PTCHD4: variants seen among roughly 807,000 people sequenced by gnomAD.
PTCHD4 encodes patched domain containing 4.
In PTCHD4, 33 loss-of-function variants were observed where a neutral mutation model predicts 58.1. The ratio of observed to expected loss-of-function variants is 0.57; its 90% CI spans 0.43 to 0.76. PTCHD4 has a LOEUF of 0.76. Ranked by LOEUF, PTCHD4 falls within the 30% of genes least tolerant of loss-of-function variation. PTCHD4 has a pLI of 0.00. For missense variants in PTCHD4, 1,058 were observed against 1,027.1 expected (o/e 1.03, Z -0.41); for synonymous variants, 478 against 409.6 (o/e 1.17, Z -2.02).
intron 1 of PTCHD4, among the ~76,000 whole-genome samples, chr6:48,109,333 A>AACT (rs1415990900): frequency 6.6e-6 from 1 of 152,172 alleles, no homozygotes; most frequent in African/African-American, 2.4e-5. Context: ...ATGAACATAC[A>AACT]ACTTTTTAAA....
intron 1 of PTCHD4, among the ~76,000 whole-genome samples, chr6:48,090,106 A>G (rs969869937): frequency 6.6e-6 from 1 of 151,386 alleles, no homozygotes; most frequent in East Asian, 2.0e-4. Context: ...GTTAATTCAG[A>G]ATCTACAGTG....
chr6:47,946,966 C>G (rs1581917673), intron 4 of PTCHD4, among the ~76,000 whole-genome samples: 1 of 152,072 alleles, frequency 6.6e-6, no homozygotes, highest in African/African-American at 2.4e-5. Flanking sequence ...ACTTCAGCCC[C>G]CTGAGGCCTA....
At position 47,856,953 on chromosome 6, in the gene PTCHD4, A is replaced by G. The variant is rs1763323012; in HGVS notation, c.*21350T>C. Among the ~76,000 whole-genome samples, 1 of 152,064 alleles carries G rather than the reference A, an allele frequency of 6.6e-6. No individual in the cohort carries two copies. Among genetic ancestry groups the G allele is most frequent in the Non-Finnish European group, 1.5e-5 (1 of 67,972 alleles). On this transcript the variant is annotated 3_prime_UTR_variant, in exon 5 of 5. Coordinates refer to ENST00000339488, the MANE Select transcript of PTCHD4 (RefSeq NM_001384253.1). ...ACAATATTCATATTTAAATAATGAT[A>G]TTAATAATTGGTAATGAATCAAAAC...
At chr6:48,057,662 A>G (rs1764460339) in intron 3 of PTCHD4, among the ~76,000 whole-genome samples, 1 of 152,230 alleles carries the variant, frequency 6.6e-6, no homozygotes, top group Admixed American at 6.5e-5. Context: ...TCCAAGCCAA[A>G]GGAAGAGTAT....
chr6:48,031,499 A>AT lies in PTCHD4; in HGVS notation c.418-22386dup, dbSNP rs914251553. On this transcript the variant is annotated intron_variant, in intron 3 of 4. Coordinates refer to ENST00000339488, the MANE Select transcript of PTCHD4 (RefSeq NM_001384253.1). ...CTTTCTTTAACAAGTGTTAAGAATA[A>AT]TTTTTTCATTAACAGGATAAAAATG... Among the ~76,000 whole-genome samples the AT allele has an allele frequency of 1.5e-4, 23 of 152,198 alleles. 1 individual carries two copies. The highest frequency in any genetic ancestry group is 1.2e-3 in the Admixed American group (19 of 15,268).
chr6:47,988,885 C>T (rs995303394), intron 4 of PTCHD4, among the ~76,000 whole-genome samples: 9 of 152,048 alleles, frequency 5.9e-5, no homozygotes, highest in Non-Finnish European at 1.2e-4. Context: ...AAAAGATACC[C>T]GAAAATGTGG....
intron 4 of PTCHD4, among the ~76,000 whole-genome samples, chr6:47,956,393 G>T (rs547806776): frequency 6.6e-6 from 1 of 152,182 alleles, no homozygotes; most frequent in South Asian, 2.1e-4. Context: ...GCTAGACAAT[G>T]ACAGGGCAAG....
Position 47,871,539 on chromosome 6 carries a change from G to T in PTCHD4, c.*6764C>A, listed in dbSNP as rs1763713781. Among the ~76,000 whole-genome samples the T allele has an allele frequency of 6.6e-6, 1 of 151,576 alleles. No homozygotes were observed. ...GAGACAACTAACAACTGCCTTGAAA[G>T]ATTTCATATTAATGAATATTATGTT... is the stretch of plus-strand genomic sequence containing the variant. On this transcript the variant is annotated 3_prime_UTR_variant, in exon 5 of 5. Coordinates refer to ENST00000339488, the MANE Select transcript of PTCHD4 (RefSeq NM_001384253.1).
intron 4 of PTCHD4, among the ~76,000 whole-genome samples, chr6:48,003,268 A>C (rs1001019508): frequency 2.0e-5 from 3 of 152,094 alleles, no homozygotes; most frequent in African/African-American, 7.2e-5. Context: ...TCTGAACCTG[A>C]TCTATGTACT....
chr6:47,927,986 T>G (rs1310050877), intron 4 of PTCHD4, among the ~76,000 whole-genome samples: 1 of 152,062 alleles, frequency 6.6e-6, no homozygotes, highest in African/African-American at 2.4e-5. Flanking sequence ...TATAAAAGTT[T>G]GATAGATTGC....
intron 4 of PTCHD4, among the ~76,000 whole-genome samples, chr6:47,987,619 A>G (rs1315050866): frequency 6.6e-6 from 1 of 152,160 alleles, no homozygotes; most frequent in Admixed American, 6.6e-5. Context: ...TACTGGCCTG[A>G]AGGAATGAGA....
At chr6:48,100,507 C>A (rs1048072087) in intron 1 of PTCHD4, among the ~76,000 whole-genome samples, 2 of 152,148 alleles carry the variant, frequency 1.3e-5, no homozygotes, top group Non-Finnish European at 1.5e-5. Context: ...TCCTTTCCTG[C>A]AATTTTGTTT....
chr6:47,963,704 A>T (rs898274241), intron 4 of PTCHD4, among the ~76,000 whole-genome samples: 2 of 152,286 alleles, frequency 1.3e-5, no homozygotes, highest in East Asian at 3.9e-4. Flanking sequence ...TAACCTGGAG[A>T]ACATTATCTA....
intron 1 of PTCHD4, among the ~76,000 whole-genome samples, chr6:48,103,544 T>C: frequency 6.6e-6 from 1 of 152,002 alleles, no homozygotes; most frequent in Non-Finnish European, 1.5e-5. Flanking sequence ...TCAGAGCGCC[T>C]CTCCTCCTCC....
chr6:47,934,838 C>G (rs1765945270), intron 4 of PTCHD4, among the ~76,000 whole-genome samples: 1 of 152,156 alleles, frequency 6.6e-6, no homozygotes, highest in African/African-American at 2.4e-5. Flanking sequence ...CTACAAAACC[C>G]ATGTCAATTT....
intron 1 of PTCHD4, among the ~76,000 whole-genome samples, chr6:48,108,849 G>A (rs1437648019): frequency 6.6e-6 from 1 of 151,442 alleles, no homozygotes; most frequent in African/African-American, 2.4e-5. Context: ...TGAATTTTTG[G>A]AAAACATTAA....
rs982630886 is a variant in PTCHD4, at chr6:47,861,021, A to C, written c.*17282T>G. On this transcript the variant is annotated 3_prime_UTR_variant, in exon 5 of 5. Coordinates refer to ENST00000339488, the MANE Select transcript of PTCHD4 (RefSeq NM_001384253.1). ...AGAAAGTGCCCCTGGATGCCTCTCT[A>C]ATCATTATTTTAGTGGAACATTTCA... is the stretch of plus-strand genomic sequence containing the variant. 7.9e-5 allele frequency among the ~76,000 whole-genome samples: 12 copies of C among 151,948 alleles called. No homozygotes were observed. Among genetic ancestry groups the C allele is most frequent in the African/African-American group, 2.9e-4 (12 of 41,412 alleles).
At chr6:47,894,855 G>A (rs1581840682) in intron 4 of PTCHD4, among the ~76,000 whole-genome samples, 2 of 152,202 alleles carry the variant, frequency 1.3e-5, no homozygotes, top group Admixed American at 1.3e-4. Flanking sequence ...ATAAGGGCTG[G>A]GTGTGGTAGC....
intron 4 of PTCHD4, among the ~76,000 whole-genome samples, chr6:47,995,774 A>G (rs1768463319): frequency 2.0e-5 from 3 of 152,320 alleles, no homozygotes; most frequent in African/African-American, 7.2e-5. Flanking sequence ...TAAGGTGTTA[A>G]GTAAAAATCA....
Sources: allele counts gnomAD v4.1 joint callset (sites outside exome capture counted in the v4.1 genomes callset), GRCh38; gene constraint gnomAD v4.1.1; transcripts MANE v1.5; gene names NCBI Gene and HGNC (gene_info 2026-07-23, HGNC 2026-07-21).